CARS1: variants seen among roughly 807,000 people sequenced by gnomAD.
The protein encoded by CARS1 is cysteine--tRNA ligase, cytoplasmic.
Under a neutral mutation model 106.2 loss-of-function variants are expected in CARS1, and 48 were observed. The ratio of observed to expected loss-of-function variants is 0.45; its 90% CI spans 0.36 to 0.57. CARS1 has a LOEUF of 0.57. Among genes scored for constraint, CARS1 ranks in the 20% least tolerant of loss-of-function variants. The pLI is 0.00. For missense variants in CARS1, 968 were observed against 1,057.2 expected (o/e 0.92, Z 1.17); for synonymous variants, 409 against 403.4 (o/e 1.01, Z -0.17).
At chr11:3,051,625 G>A (rs1855706523) in intron 1 of CARS1, among the ~76,000 whole-genome samples, 1 of 152,206 alleles carries the variant, frequency 6.6e-6, no homozygotes, top group Non-Finnish European at 1.5e-5. Context: ...CAGCTCTGCA[G>A]CTGCCAGCAG....
rs187362315 is a variant in CARS1, at chr11:3,022,462, T to C, written c.1154-2130A>G. Reference sequence around the variant, plus strand: ...GAGGCGGATCTGAGGTTTCCTCCCATCTCCATTTGTCCACCATACAATTAC... The same window carrying C: ...GAGGCGGATCTGAGGTTTCCTCCCACCTCCATTTGTCCACCATACAATTAC... On this transcript the variant is annotated intron_variant, in intron 10 of 22. Coordinates refer to ENST00000380525, the MANE Select transcript of CARS1 (RefSeq NM_001014437.3). This position sits in a 1 kb window ranked among gnomAD's most constrained non-coding sequence, Gnocchi z 4.9. Among the ~76,000 whole-genome samples the C allele has an allele frequency of 1.2e-3, 181 of 152,268 alleles. No individual in the cohort carries two copies. The highest frequency in any genetic ancestry group is 3.7e-3 in the Admixed American group (57 of 15,300).
chr11:3,043,472 C>A lies in CARS1; in HGVS notation c.275-1216G>T, dbSNP rs1380550329. ...TTATGCTCTGCTGGGCACCTCTGAC[C>A]CCAGCTGGTGCCTGGCCCTGGGAAG... is the stretch of plus-strand genomic sequence containing the variant. On this transcript the variant is annotated intron_variant, in intron 2 of 22. Coordinates refer to ENST00000380525, the MANE Select transcript of CARS1 (RefSeq NM_001014437.3). The surrounding 1 kb of genome is among the most constrained non-coding windows in gnomAD (Gnocchi z 4.0). Among the ~76,000 whole-genome samples, 1 of 151,672 alleles carries A rather than the reference C, an allele frequency of 6.6e-6. No homozygotes were observed. The highest frequency in any genetic ancestry group is 6.6e-5 in the Admixed American group (1 of 15,200).
chr11:3,016,885 T>C (rs913212123), intron 16 of CARS1, among the ~76,000 whole-genome samples: 3 of 152,186 alleles, frequency 2.0e-5, no homozygotes, highest in Non-Finnish European at 2.9e-5. Context: ...AGTGTTGGAT[T>C]ATAGATGTGA....
At position 3,020,903 on chromosome 11, in the gene CARS1, T is replaced by C. The variant is rs575555366; in HGVS notation, c.1154-571A>G. Among the ~76,000 whole-genome samples the C allele has an allele frequency of 2.0e-5, 3 of 151,970 alleles. No homozygotes were observed. The highest frequency in any genetic ancestry group is 4.8e-5 in the African/African-American group (2 of 41,430). ...TTCCTGTGTATTTATAAGGGGAAAA[T>C]AGGTGAAGGAAACTAAAGAATAGTC... On this transcript the variant is annotated intron_variant, in intron 10 of 22. Transcript: ENST00000380525. This position sits in a 1 kb window ranked among gnomAD's most constrained non-coding sequence, Gnocchi z 4.6.
rs769966018 is a variant in CARS1, at chr11:3,002,580, C to T, written c.2238G>A (p.Lys746=). The T allele has an allele frequency of 6.2e-7, 1 of 1,614,176 alleles. No individual in the cohort carries two copies. Among genetic ancestry groups the T allele is most frequent in the Non-Finnish European group, 8.5e-7 (1 of 1,179,998 alleles). The change falls in exon 21 of 23, where the codon AAG becomes AAA. Residue 746 remains lysine (K), a synonymous_variant. Transcript: ENST00000380525. The part of the protein sequence containing the change: ...EKRRVEEEKR[K]KKEEAARRKQ... The stretch of plus-strand genomic sequence containing the variant: ...TCCTCCGGGCCGCCTCCTCTTTCTT[C>T]TTCCTCTTCTCCTCTTCAACCTGGA...
At position 3,053,324 on chromosome 11, in the gene CARS1, G is replaced by A. The variant is rs1046175095; in HGVS notation, c.25+4019C>T. ...CGGCTCACTGCAAACTCTGCCTCCCGGGTTCAAGCGATTCTCCTGCCTCAG... is the reference window on the plus strand; with the variant it reads ...CGGCTCACTGCAAACTCTGCCTCCCAGGTTCAAGCGATTCTCCTGCCTCAG... On this transcript the variant is annotated intron_variant, in intron 1 of 22. Transcript: ENST00000380525. This position sits in a 1 kb window ranked among gnomAD's most constrained non-coding sequence, Gnocchi z 6.6. Among the ~76,000 whole-genome samples, 21 of 152,008 alleles carry A rather than the reference G, an allele frequency of 1.4e-4. No homozygotes were observed. Among genetic ancestry groups the A allele is most frequent in the African/African-American group, 5.1e-4 (21 of 41,374 alleles).
chr11:3,008,099 C>T lies in CARS1; in HGVS notation c.2069-1140G>A, dbSNP rs974465040. Reference sequence around the variant, plus strand: ...CACACCCTTTAGTTTTCTTCTGGCCCCTCAGCTTGCTGCGCCCAACTGTGC... The same window carrying T: ...CACACCCTTTAGTTTTCTTCTGGCCTCTCAGCTTGCTGCGCCCAACTGTGC... On this transcript the variant is annotated intron_variant, in intron 18 of 22. Coordinates refer to ENST00000380525, the MANE Select transcript of CARS1 (RefSeq NM_001014437.3). The surrounding 1 kb of genome is among the most constrained non-coding windows in gnomAD (Gnocchi z 5.1). 2.0e-5 allele frequency: 3 copies of T among 152,254 alleles called. No individual in the cohort carries two copies. The highest frequency in any genetic ancestry group is 7.2e-5 in the African/African-American group (3 of 41,442). The allele number at this position is 152,254 out of a possible 1,614,324, so 9.4% of individuals were successfully genotyped here.
rs1854762563 is a variant in CARS1 at position 3,043,602 on chromosome 11, G to A, written c.275-1346C>T. On this transcript the variant is annotated intron_variant, in intron 2 of 22. Transcript: ENST00000380525. The surrounding 1 kb of genome is among the most constrained non-coding windows in gnomAD (Gnocchi z 4.0). ...GCAGGCCGCCTGGCAGCTCACCAGG[G>A]TGCTCGCATCCTGCCTCCTCCTGTC... Among the ~76,000 whole-genome samples, 1 of 151,572 alleles carries A rather than the reference G, an allele frequency of 6.6e-6. No individual in the cohort carries two copies. The highest frequency in any genetic ancestry group is 1.5e-5 in the Non-Finnish European group (1 of 67,908).
rs937077006 is a variant in CARS1, at chr11:3,052,098, A to C, written c.26-4097T>G. Among the ~76,000 whole-genome samples, 1 of 152,254 alleles carries C rather than the reference A, an allele frequency of 6.6e-6. No individual in the cohort carries two copies. The highest frequency in any genetic ancestry group is 1.5e-5 in the Non-Finnish European group (1 of 68,048). ...TCTGCAGTAAGCATCTGCTATTTTT[A>C]AAATGAGAAAAACATCAAATGTCCT... On this transcript the variant is annotated intron_variant, in intron 1 of 22. Coordinates refer to ENST00000380525, the MANE Select transcript of CARS1 (RefSeq NM_001014437.3). This position sits in a 1 kb window ranked among gnomAD's most constrained non-coding sequence, Gnocchi z 4.6.
chr11:3,054,610 A>T (rs552025869), intron 1 of CARS1, among the ~76,000 whole-genome samples: 1 of 152,228 alleles, frequency 6.6e-6, no homozygotes, highest in South Asian at 2.1e-4. Flanking sequence ...CTATTGAGTC[A>T]GGCTGCCCAG....
rs1262679585 is a variant in CARS1 at position 3,034,736 on chromosome 11, A to G, written c.801+3314T>C. On this transcript the variant is annotated intron_variant, in intron 7 of 22. Transcript: ENST00000380525. This position sits in a 1 kb window ranked among gnomAD's most constrained non-coding sequence, Gnocchi z 6.3. ...TTTTTAGTAGAGACGGGGTTTCACC[A>G]TGTTGGCCAGGATGGTCTCGATCTC... Among the ~76,000 whole-genome samples, 2 of 150,728 alleles carry G rather than the reference A, an allele frequency of 1.3e-5. No homozygotes were observed. Among genetic ancestry groups the G allele is most frequent in the African/African-American group, 4.9e-5 (2 of 40,724 alleles).
chr11:3,026,970 AG>A, intron 9 of CARS1, 173 bp from the exon 10 acceptor site: 3 of 698,378 alleles, frequency 4.3e-6, no homozygotes, highest in Non-Finnish European at 6.8e-6. Context: ...GTGGGACACC[AG>A]GGCCCATCCC....
At chr11:3,012,333 C>T in intron 17 of CARS1, 57 bp from the exon 18 acceptor site, 3 of 1,467,874 alleles carry the variant, frequency 2.0e-6, no homozygotes, top group Non-Finnish European at 2.9e-6. Context: ...ATATTCATAA[C>T]AGAATAATAG....
chr11:3,024,241 A>C (rs1851838590), intron 10 of CARS1, among the ~76,000 whole-genome samples: 1 of 152,078 alleles, frequency 6.6e-6, no homozygotes, highest in Admixed American at 6.6e-5. Context: ...TAAAAACATC[A>C]GTTTCCTCTA....
At chr11:3,049,486 G>T (rs987305432) in intron 1 of CARS1, among the ~76,000 whole-genome samples, 1 of 152,242 alleles carries the variant, frequency 6.6e-6, no homozygotes, top group Non-Finnish European at 1.5e-5. Flanking sequence ...CAGGCAGATG[G>T]TGCCAGGCTT....
chr11:3,034,282 G>A lies in CARS1; in HGVS notation c.801+3768C>T, dbSNP rs974249596. 3.3e-5 allele frequency among the ~76,000 whole-genome samples: 5 copies of A among 151,988 alleles called. No homozygotes were observed. The highest frequency in any genetic ancestry group is 3.9e-4 in the East Asian group (2 of 5,190). On this transcript the variant is annotated intron_variant, in intron 7 of 22. Coordinates refer to ENST00000380525, the MANE Select transcript of CARS1 (RefSeq NM_001014437.3). The surrounding 1 kb of genome is among the most constrained non-coding windows in gnomAD (Gnocchi z 6.3). ...GTTTCCCAGGCTGGAATGCAGTGGC[G>A]TGATCTCGGCTCACTGCAACCTCCG...
chr11:3,018,831 T>C, intron 12 of CARS1, 82 bp from the exon 13 acceptor site: 5 of 1,528,354 alleles, frequency 3.3e-6, no homozygotes, highest in Non-Finnish European at 4.4e-6. Context: ...TGCTGCCTTG[T>C]TGGTGCTGTC....
At position 3,034,678 on chromosome 11, in the gene CARS1, C is replaced by A. The variant is rs373546669; in HGVS notation, c.801+3372G>T. ...CCAAGTAGCTGGGATTACAGGCACA[C>A]GCCACAACACCCAGCTAATTTTTTT... On this transcript the variant is annotated intron_variant, in intron 7 of 22. Transcript: ENST00000380525. The surrounding 1 kb of genome is among the most constrained non-coding windows in gnomAD (Gnocchi z 6.3). 1.8e-4 allele frequency among the ~76,000 whole-genome samples: 28 copies of A among 151,942 alleles called. No individual in the cohort carries two copies. Among genetic ancestry groups the A allele is most frequent in the African/African-American group, 6.3e-4 (26 of 41,408 alleles).
At chr11:3,016,969 A>G (rs541639028) in intron 16 of CARS1, 137 bp downstream of exon 16, 11 of 652,128 alleles carry the variant, frequency 1.7e-5, no homozygotes, top group East Asian at 2.7e-5. Flanking sequence ...GGACAGAAGC[A>G]TATCTCCACG....
Sources: gnomAD v4.1 joint callset for allele counts (sites outside exome capture counted in the v4.1 genomes callset) on GRCh38, gnomAD v4.1.1 for gene constraint, Gnocchi (gnomAD v3.1) non-coding constraint, MANE v1.5 for transcripts, NCBI Gene and HGNC (gene_info 2026-07-23, HGNC 2026-07-21) for gene names.